Variants in CAMKMT observed in about 807,000 individuals in gnomAD.
CAMKMT encodes the protein CaM KMT.
In CAMKMT, 53 loss-of-function variants were observed where a neutral mutation model predicts 48.0. That is an observed-to-expected ratio of 1.10 (90% CI 0.89 to 1.39). The LOEUF (loss-of-function observed/expected upper bound fraction) is 1.39. Among genes scored for constraint, CAMKMT ranks in the 40% most tolerant of loss-of-function variants. The probability of loss-of-function intolerance (pLI) is 0.00; values close to 1 mark genes in which losing one functional copy is unlikely to be tolerated. For synonymous variants in CAMKMT, 165 were observed against 152.3 expected (o/e 1.08, Z -0.61); for missense variants, 428 against 402.7 (o/e 1.06, Z -0.54).
chr2:44,633,697 G>C (rs1251052327), intron 3 of CAMKMT, among the ~76,000 whole-genome samples: 2 of 151,464 alleles, frequency 1.3e-5, no homozygotes, highest in Non-Finnish European at 2.9e-5. Flanking sequence ...TTATATACTT[G>C]TTGTTTTGCT....
At chr2:44,453,916 A>C (rs1362491033) in intron 3 of CAMKMT, among the ~76,000 whole-genome samples, 3 of 152,062 alleles carry the variant, frequency 2.0e-5, no homozygotes, top group Non-Finnish European at 4.4e-5. Flanking sequence ...TAGTTTTAAG[A>C]AATAAGATAG....
chr2:44,693,403 G>T (rs1676768341), intron 3 of CAMKMT, among the ~76,000 whole-genome samples: 1 of 152,130 alleles, frequency 6.6e-6, no homozygotes, highest in Non-Finnish European at 1.5e-5. Context: ...TTATTCTAGA[G>T]TTCCACTGAC....
intron 3 of CAMKMT, among the ~76,000 whole-genome samples, chr2:44,563,622 C>G (rs920911568): frequency 6.6e-6 from 1 of 152,142 alleles, no homozygotes; most frequent in Non-Finnish European, 1.5e-5. Flanking sequence ...ATCCCTCCCC[C>G]TTCCCCCCAC....
At chr2:44,648,284 T>C (rs1304702301) in intron 3 of CAMKMT, among the ~76,000 whole-genome samples, 1 of 152,040 alleles carries the variant, frequency 6.6e-6, no homozygotes, top group Non-Finnish European at 1.5e-5. Flanking sequence ...TCCTGCAGAG[T>C]AGAAATTGAG....
rs764984677 is a variant in CAMKMT, at chr2:44,661,310, C to CTTTTTTTTTT, written c.377-42959_377-42950dup. Among the ~76,000 whole-genome samples the CTTTTTTTTTT allele has an allele frequency of 2.2e-5, 2 of 89,180 alleles. 1 individual carries two copies. The highest frequency in any genetic ancestry group is 1.0e-4 in the African/African-American group (2 of 20,002). 58.5% of individuals were successfully genotyped at this position (89,180 alleles called of 152,430 possible). On this transcript the variant is annotated intron_variant, in intron 3 of 10. Transcript: ENST00000378494. ...AATAACAACAATGGTTGTGAGCAGC[C>CTTTTTTTTTT]TTTTTTTTTTTTTTTTTTTTTTTGA...
intron 3 of CAMKMT, among the ~76,000 whole-genome samples, chr2:44,555,577 G>A (rs1283235736): frequency 6.6e-6 from 1 of 152,174 alleles, no homozygotes; most frequent in East Asian, 1.9e-4. Context: ...GGTCTCATCT[G>A]TAGAAATTGA....
intron 3 of CAMKMT, among the ~76,000 whole-genome samples, chr2:44,645,368 G>C (rs1558767302): frequency 6.6e-6 from 1 of 152,172 alleles, no homozygotes; most frequent in Non-Finnish European, 1.5e-5. Flanking sequence ...AACCACAGCG[G>C]AGAGGCTAGG....
At chr2:44,397,643 A>G (rs994143003) in intron 3 of CAMKMT, among the ~76,000 whole-genome samples, 1 of 152,184 alleles carries the variant, frequency 6.6e-6, no homozygotes, top group Admixed American at 6.5e-5. Flanking sequence ...TTTGTTATCA[A>G]TTACCAGAGA....
chr2:44,481,642 T>C (rs1246691110), intron 3 of CAMKMT, among the ~76,000 whole-genome samples: 2 of 152,114 alleles, frequency 1.3e-5, no homozygotes, highest in East Asian at 1.9e-4. Context: ...TAAAATGATA[T>C]ATGTCCTTCA....
rs575206198 is a variant in CAMKMT, at chr2:44,680,031, C to T, written c.377-24252C>T. ...ATTCCACGGCTGCCATTACTCCTAG[C>T]AAATGTCTGAAATAGCAGGGTGCCA... On this transcript the variant is annotated intron_variant, in intron 3 of 10. Transcript: ENST00000378494. Among the ~76,000 whole-genome samples, 151 of 152,352 alleles carry T rather than the reference C, an allele frequency of 9.9e-4. 1 individual carries two copies. In the Middle Eastern group the frequency reaches 0.017, roughly 17 times the overall value.
chr2:44,363,678 C>T (rs1259586230), intron 1 of CAMKMT, among the ~76,000 whole-genome samples: 6 of 150,228 alleles, frequency 4.0e-5, no homozygotes, highest in African/African-American at 1.5e-4. Context: ...CCGTGCCCGG[C>T]AACCCCCTTC....
chr2:44,420,586 T>TC (rs1683870135), intron 3 of CAMKMT, among the ~76,000 whole-genome samples: 1 of 151,896 alleles, frequency 6.6e-6, no homozygotes, highest in African/African-American at 2.4e-5. Flanking sequence ...TATATTTTTT[T>TC]CTCTTCTTTT....
intron 3 of CAMKMT, among the ~76,000 whole-genome samples, chr2:44,681,409 G>GATT (rs1239239372): frequency 1.3e-5 from 2 of 152,132 alleles, no homozygotes; most frequent in African/African-American, 4.8e-5. Flanking sequence ...GAGAAGCCCA[G>GATT]TCCTATTTAT....
In CAMKMT at chr2:44,466,753, C is replaced by G. The variant is rs139085090; in HGVS notation, c.376+76448C>G. ...TTTTAGAAAATATCAACAAAATTGA[C>G]TAGCCATTAGCTAGACTTAAATAAA... On this transcript the variant is annotated intron_variant, in intron 3 of 10. Transcript: ENST00000378494. Among the ~76,000 whole-genome samples, 214 of 152,138 alleles carry G rather than the reference C, an allele frequency of 1.4e-3. 3 individuals carry two copies. Among genetic ancestry groups the G allele is most frequent in the African/African-American group, 4.8e-3 (200 of 41,516 alleles).
chr2:44,492,895 T>TC (rs1015491443), intron 3 of CAMKMT, among the ~76,000 whole-genome samples: 15 of 151,084 alleles, frequency 9.9e-5, no homozygotes, highest in East Asian at 1.9e-4. Flanking sequence ...GTATCTTTTT[T>TC]TTTTTTTTCT....
chr2:44,637,979 C>T (rs1455490545), intron 3 of CAMKMT, among the ~76,000 whole-genome samples: 2 of 149,170 alleles, frequency 1.3e-5, no homozygotes, highest in Non-Finnish European at 3.0e-5. Flanking sequence ...GCAGGAGAAT[C>T]GCTTGAACTC....
chr2:44,644,376 A>C (rs1159438328), intron 3 of CAMKMT, among the ~76,000 whole-genome samples: 1 of 152,242 alleles, frequency 6.6e-6, no homozygotes, highest in Non-Finnish European at 1.5e-5. Flanking sequence ...CAACTTATAG[A>C]TGTTACTCAG....
At chr2:44,744,761 A>G (rs1558831776) in intron 8 of CAMKMT, among the ~76,000 whole-genome samples, 1 of 152,112 alleles carries the variant, frequency 6.6e-6, no homozygotes, top group East Asian at 1.9e-4. Context: ...TTTCTACAAA[A>G]GTCATTGGAA....
At chr2:44,431,784 C>A (rs565171230) in intron 3 of CAMKMT, among the ~76,000 whole-genome samples, 11 of 152,076 alleles carry the variant, frequency 7.2e-5, no homozygotes, top group African/African-American at 2.7e-4. Flanking sequence ...TGGTGGATGC[C>A]CCTGATGAAA....
Sources: gnomAD v4.1 joint callset for allele counts (sites outside exome capture counted in the v4.1 genomes callset) on GRCh38, gnomAD v4.1.1 for gene constraint, MANE v1.5 for transcripts, NCBI Gene and HGNC (gene_info 2026-07-23, HGNC 2026-07-21) for gene names.